The following RORA variants were observed in gnomAD, a reference collection of about 807,000 sequenced individuals.
RORA encodes the protein RAR related orphan receptor A, also known as nuclear receptor ROR-alpha.
RORA carries 7 observed loss-of-function variants against 69.5 expected under a neutral mutation model. The observed-to-expected ratio is 0.10, with a 90% CI of 0.06 to 0.19. The LOEUF is 0.19. Ranked by LOEUF, RORA falls within the 10% of genes least tolerant of loss-of-function variation. The pLI is 1.00. For synonymous variants in RORA, 261 were observed against 240.8 expected (o/e 1.08, Z -0.78); for missense variants, 457 against 663.0 (o/e 0.69, Z 3.41).
intron 2 of RORA, among the ~76,000 whole-genome samples, chr15:60,621,904 C>T (rs554053372): frequency 2.0e-5 from 3 of 152,054 alleles, no homozygotes; most frequent in Admixed American, 1.3e-4. Flanking sequence ...AAAAATTAGC[C>T]GGGCGTGGTG....
chr15:60,967,097 A>G (rs1487530225), intron 1 of RORA, among the ~76,000 whole-genome samples: 2 of 152,218 alleles, frequency 1.3e-5, no homozygotes, highest in Non-Finnish European at 1.5e-5. Context: ...TCTAATTAGT[A>G]GCAGAACCTG....
intron 2 of RORA, chr15:60,614,942 T>C (rs201013771): frequency 6.2e-7 from 1 of 1,614,034 alleles, no homozygotes; most frequent in East Asian, 2.2e-5. Flanking sequence ...CTTAAATTAA[T>C]AAAGTTCTTG....
chr15:60,849,271 T>C (rs1224715775), intron 1 of RORA, among the ~76,000 whole-genome samples: 1 of 152,228 alleles, frequency 6.6e-6, no homozygotes, highest in Admixed American at 6.5e-5. Flanking sequence ...GCCTGACACA[T>C]AGCAAATGCT....
intron 1 of RORA, among the ~76,000 whole-genome samples, chr15:61,112,628 T>C (rs893348228): frequency 1.3e-5 from 2 of 152,156 alleles, no homozygotes; most frequent in South Asian, 2.1e-4. Flanking sequence ...ACGATAATAA[T>C]AGCAGCTAAC....
At chr15:60,645,622 G>T (rs60533525) in intron 2 of RORA, among the ~76,000 whole-genome samples, 3,625 of 151,910 alleles carry the variant, frequency 0.024, 66 homozygotes, top group African/African-American at 0.052. Flanking sequence ...CGAACTCCTG[G>T]CCTCAAGTGA....
chr15:60,755,705 G>T (rs2071792467), intron 1 of RORA, among the ~76,000 whole-genome samples: 1 of 152,164 alleles, frequency 6.6e-6, no homozygotes, highest in Non-Finnish European at 1.5e-5. Flanking sequence ...ACACATAGAA[G>T]CTGTTCAAGA....
intron 1 of RORA, among the ~76,000 whole-genome samples, chr15:60,723,473 G>T (rs940805628): frequency 6.6e-6 from 1 of 150,512 alleles, no homozygotes; most frequent in Non-Finnish European, 1.5e-5. Flanking sequence ...CACATAAGGC[G>T]CAGGGAAAAA....
At chr15:61,224,602 GAGA>G (rs1567044582) in intron 1 of RORA, among the ~76,000 whole-genome samples, 2 of 152,292 alleles carry the variant, frequency 1.3e-5, no homozygotes, top group Middle Eastern at 3.4e-3. Flanking sequence ...ACAAAAATGG[GAGA>G]AGGTGGATCT....
At chr15:60,878,322 C>G (rs1193790393) in intron 1 of RORA, among the ~76,000 whole-genome samples, 20 of 112,712 alleles carry the variant, frequency 1.8e-4, no homozygotes, top group African/African-American at 6.3e-4. Context: ...CCAGCCTGGG[C>G]GAAAGAGCAA....
At chr15:60,517,432 T>A (rs909508631) in intron 3 of RORA, among the ~76,000 whole-genome samples, 1 of 152,110 alleles carries the variant, frequency 6.6e-6, no homozygotes, top group Admixed American at 6.5e-5. Context: ...TAAAGCAATC[T>A]CTCTCTTCTG....
rs571799495 is a variant in RORA, at chr15:60,683,561, G to A, written c.167-4875C>T. Among the ~76,000 whole-genome samples, 99 of 152,020 alleles carry A rather than the reference G, an allele frequency of 6.5e-4. 3 individuals carry two copies. In the South Asian group the frequency reaches 0.02, roughly 31 times the overall value. On this transcript the variant is annotated intron_variant, in intron 1 of 10. Transcript: ENST00000335670. ...TAAGTAAAAGATGCACTTTTCTTGG[G>A]AGATCTTTAAAAATTATCTGGGCTA...
intron 1 of RORA, among the ~76,000 whole-genome samples, chr15:61,068,490 T>C (rs2078295703): frequency 6.6e-6 from 1 of 152,234 alleles, no homozygotes; most frequent in Non-Finnish European, 1.5e-5. Context: ...ATTGCATTTA[T>C]TTGTCAGAGT....
At position 60,951,025 on chromosome 15, in the gene RORA, CCA is replaced by C. The variant is rs1466152010; in HGVS notation, c.167-272341_167-272340del. ...CACACCACACCTATTCCAAAATTGA[CCA>C]CACACTTGGAAGTAAAGCTCTCCTC... On this transcript the variant is annotated intron_variant, in intron 1 of 10. Coordinates refer to ENST00000335670, the MANE Select transcript of RORA (RefSeq NM_134261.3). Among the ~76,000 whole-genome samples, 784 of 150,940 alleles carry C rather than the reference CCA, an allele frequency of 5.2e-3. 5 individuals carry two copies. The highest frequency in any genetic ancestry group is 0.018 in the African/African-American group (748 of 41,232).
intron 1 of RORA, among the ~76,000 whole-genome samples, chr15:60,934,296 T>C (rs1029595929): frequency 2.0e-5 from 3 of 152,204 alleles, no homozygotes; most frequent in African/African-American, 7.2e-5. Flanking sequence ...AAGACATTGC[T>C]AAAGTTCTCT....
At chr15:60,654,609 C>T (rs1217362048) in intron 2 of RORA, among the ~76,000 whole-genome samples, 5 of 152,124 alleles carry the variant, frequency 3.3e-5, no homozygotes, top group Admixed American at 3.3e-4. Flanking sequence ...GCAAAAGGGA[C>T]TTTGCAGCTG....
At chr15:61,009,442 G>A (rs1340273964) in intron 1 of RORA, among the ~76,000 whole-genome samples, 2 of 152,212 alleles carry the variant, frequency 1.3e-5, no homozygotes, top group Non-Finnish European at 2.9e-5. Context: ...ACACCAAGAT[G>A]AAAGATGTCC....
chr15:60,928,413 C>T lies in RORA; in HGVS notation c.167-249727G>A, dbSNP rs374946042. 2.7e-4 allele frequency among the ~76,000 whole-genome samples: 41 copies of T among 152,240 alleles called. No homozygotes were observed. The South Asian group carries it at 6.9e-3, about 25-fold the overall frequency. ...CTGAAAACACAACCAACATTCTAGG[C>T]GGGAAGCTCGTGGAAGCCAACAACA... On this transcript the variant is annotated intron_variant, in intron 1 of 10. Coordinates refer to ENST00000335670, the MANE Select transcript of RORA (RefSeq NM_134261.3).
chr15:60,838,077 C>T (rs953658131), intron 1 of RORA, among the ~76,000 whole-genome samples: 5 of 152,274 alleles, frequency 3.3e-5, no homozygotes, highest in African/African-American at 1.2e-4. Flanking sequence ...AAGTCCTTCT[C>T]TGAATACAGA....
chr15:60,511,285 A>G lies in RORA; in HGVS notation c.761T>C (p.Phe254Ser), dbSNP rs1397092536. Residue 254 changes from phenylalanine to serine, a missense_variant, in exon 5 of 11, where the codon TTT becomes TCT. Phe to Ser is a radical substitution (Grantham distance 155). This residue lies in a region of RORA where 304 missense variants were observed against 447.4 expected (regional missense o/e 0.68). Transcript: ENST00000335670. The surrounding 1 kb of genome is among the most constrained non-coding windows in gnomAD (Gnocchi z 6.4). ...GCCGTTGGTGAACGAACAGTAGGGA[A>G]AGAAGCCTGATGCTGGTGTGTAGTC... ...ICDYTPASGFFPYCSFTNGET... is the reference protein window; with the variant it reads ...ICDYTPASGFSPYCSFTNGET... The G allele has an allele frequency of 6.2e-7, 1 of 1,614,090 alleles. No homozygotes were observed. The highest frequency in any genetic ancestry group is 1.7e-5 in the Admixed American group (1 of 60,006).
Sources: gnomAD v4.1 joint callset for allele counts (sites outside exome capture counted in the v4.1 genomes callset) on GRCh38, gnomAD v4.1.1 for gene constraint, gnomAD v4.1.1 regional missense constraint, Gnocchi (gnomAD v3.1) non-coding constraint, MANE v1.5 for transcripts, NCBI Gene and HGNC (gene_info 2026-07-23, HGNC 2026-07-21) for gene names.